The following TRANK1 variants were observed in gnomAD, a reference collection of about 807,000 sequenced individuals.
TRANK1 encodes tetratricopeptide repeat and ankyrin repeat containing 1.
A neutral mutation model predicts 266.0 loss-of-function variants in TRANK1; 198 were observed. That is an observed-to-expected ratio of 0.74 (90% CI 0.66 to 0.84). The LOEUF is 0.84. Among genes scored for constraint, TRANK1 ranks in the 40% least tolerant of loss-of-function variants. TRANK1 has a pLI of 0.00. For synonymous variants in TRANK1, 1,396 were observed against 1,384.1 expected, an observed-to-expected ratio of 1.01 and a Z score of -0.19; for missense variants, 3,326 against 3,634.6, an observed-to-expected ratio of 0.92 and a Z score of 2.18.
intron 1 of TRANK1, among the ~76,000 whole-genome samples, chr3:36,923,160 T>C (rs938150007): frequency 1.3e-5 from 2 of 152,140 alleles, no homozygotes; most frequent in African/African-American, 2.4e-5. Flanking sequence ...GGCAGTCAGC[T>C]CCTCTTCTGC....
Position 36,856,993 on chromosome 3 carries a change from C to T in TRANK1, c.2729G>A (p.Arg910Gln), listed in dbSNP as rs764078455. The change falls in exon 13 of 24, where the codon CGA becomes CAA. Residue 910 changes from arginine (R) to glutamine (Q), a missense_variant. Transcript: ENST00000645898. The stretch of plus-strand genomic sequence containing the variant: ...GATCTTCTCAGGGTTCTCACTGCAT[C>T]GAGGGGAGAAGTCAATGGCGAGCTC... ...LWELAIDFSP[R>Q]CSENPEKIIA... is the part of the protein sequence containing the mutation. 3.1e-6 allele frequency: 5 copies of T among 1,613,840 alleles called. No homozygotes were observed. Among genetic ancestry groups the T allele is most frequent in the South Asian group, 1.1e-5 (1 of 91,074 alleles).
rs549012426 is a variant in TRANK1 at position 36,931,703 on chromosome 3, AAAAG to A, written c.23+13080_23+13083del. ...GACAACACAGCAAGACCCTGTCACA[AAAAG>A]AAAGAAAGAAAGAAAGAATATACAT... is the stretch of plus-strand genomic sequence containing the variant. On this transcript the variant is annotated intron_variant, in intron 1 of 23. Coordinates refer to ENST00000645898, the MANE Select transcript of TRANK1 (RefSeq NM_001329998.2). 1.2e-3 allele frequency among the ~76,000 whole-genome samples: 176 copies of A among 152,272 alleles called. 1 individual carries two copies. Among genetic ancestry groups the A allele is most frequent in the African/African-American group, 8.9e-4 (37 of 41,576 alleles).
intron 1 of TRANK1, among the ~76,000 whole-genome samples, chr3:36,935,174 C>T (rs2080407755): frequency 1.3e-5 from 2 of 152,192 alleles, no homozygotes; most frequent in African/African-American, 4.8e-5. Flanking sequence ...TTCTCCCTCC[C>T]TCCACTTTAA....
chr3:36,901,202 G>C (rs2079877259), intron 3 of TRANK1, among the ~76,000 whole-genome samples: 1 of 151,172 alleles, frequency 6.6e-6, no homozygotes, highest in Non-Finnish European at 1.5e-5. Flanking sequence ...AGGTATCTGA[G>C]ATTCAACAGA....
Position 36,846,291 on chromosome 3 carries a change from A to G in TRANK1, c.5148T>C (p.Ile1716=). The change falls in exon 17 of 24, where the codon ATT becomes ATC. Residue 1716 remains isoleucine, a synonymous_variant. Transcript: ENST00000645898. ...EKRAPAFKYF[I]RRDFVQVVKT... is the part of the protein sequence containing the mutation. ...TTACAACTTGGACAAAATCTCTTCT[A>G]ATGAAATATTTGAATGCGGGAGCCC... The G allele has an allele frequency of 6.2e-7, 1 of 1,610,660 alleles. No individual in the cohort carries two copies. Among genetic ancestry groups the G allele is most frequent in the South Asian group, 1.1e-5 (1 of 90,260 alleles).
intron 9 of TRANK1, among the ~76,000 whole-genome samples, chr3:36,867,849 G>A (rs547760153): frequency 6.6e-6 from 1 of 152,258 alleles, no homozygotes; most frequent in South Asian, 2.1e-4. Context: ...TTATAACATC[G>A]ATGAGAAAAC....
chr3:36,851,949 GA>G, intron 14 of TRANK1, 93 bp from the exon 15 acceptor site: 1 of 1,461,232 alleles, frequency 6.8e-7, no homozygotes, highest in Non-Finnish European at 9.1e-7. Flanking sequence ...TTTTTAAAGA[GA>G]AATGGCCAGC....
chr3:36,945,557 T>C (rs1340672139), upstream of TRANK1, among the ~76,000 whole-genome samples: 1 of 152,128 alleles, frequency 6.6e-6, no homozygotes, highest in East Asian at 1.9e-4. Flanking sequence ...GTCGTGTCCA[T>C]GGAGAGTAAG....
chr3:36,842,976 G>A (rs1330391766), intron 17 of TRANK1, among the ~76,000 whole-genome samples: 1 of 152,188 alleles, frequency 6.6e-6, no homozygotes, highest in Non-Finnish European at 1.5e-5. Flanking sequence ...GACCCCAGGG[G>A]CAAGAGAGCA....
upstream of TRANK1, chr3:36,945,112 GGGA>G (rs2080555374): frequency 2.6e-6 from 1 of 385,952 alleles, no homozygotes. Flanking sequence ...GCTGCTGAGT[GGGA>G]GGAGGTGTTT....
Position 36,828,029 on chromosome 3 carries a change from C to A in TRANK1, c.*246G>T. On this transcript the variant is annotated 3_prime_UTR_variant, in exon 24 of 24. Transcript: ENST00000645898. ...ATTCCCTTCGACTACAACTTCTCTA[C>A]CTGAATTTGTTTGTGGGGGAAACTA... The A allele has an allele frequency of 2.2e-6, 1 of 454,356 alleles. No individual in the cohort carries two copies. Among genetic ancestry groups the A allele is most frequent in the South Asian group, 2.6e-5 (1 of 39,032 alleles). The allele number at this position is 454,356 out of a possible 1,614,324, so 28.1% of individuals were successfully genotyped here.
At chr3:36,828,505 G>A (rs2078656839) in intron 23 of TRANK1, 130 bp from the exon 24 acceptor site, 1 of 669,878 alleles carries the variant, frequency 1.5e-6, no homozygotes, top group Non-Finnish European at 2.5e-6. Context: ...GCAGAATGGT[G>A]ATTTTTTTTC....
rs2079910987 is a variant in TRANK1 at position 36,903,270 on chromosome 3, G to C, written c.161C>G (p.Pro54Arg). Residue 54 changes from proline to arginine, a missense_variant, in exon 3 of 24, where the codon CCC becomes CGC. Physicochemically the swap from Pro to Arg is moderately radical, Grantham distance 103. Transcript: ENST00000645898. ...CAGCAGCACAGCCAAGTCCCTCGGGGGAACCCTGTAAGAACAAACCGGTGG... is the reference window on the plus strand; with the variant it reads ...CAGCAGCACAGCCAAGTCCCTCGGGCGAACCCTGTAAGAACAAACCGGTGG... ...ILLQLYQWGV[P>R]PRDLAVLLCN... 1 of 1,536,994 alleles carries C rather than the reference G, an allele frequency of 6.5e-7. No homozygotes were observed. The highest frequency in any genetic ancestry group is 1.4e-5 in the African/African-American group (1 of 73,048).
chr3:36,856,776 C>T lies in TRANK1; in HGVS notation c.2946G>A (p.Val982=). Residue 982 remains valine (V), a synonymous_variant, in exon 13 of 24, where the codon GTG becomes GTA. Transcript: ENST00000645898. ...GCTTTTGAATTTTCATGTTAGCTGA[C>T]ACTTGGCCTTTATTGATACCTTTCA... ...KKLKGINKGQ[V]SANMKIQKRI... is the part of the protein sequence containing the mutation. The T allele has an allele frequency of 1.2e-6, 2 of 1,614,018 alleles. No individual in the cohort carries two copies. Among genetic ancestry groups the T allele is most frequent in the Non-Finnish European group, 1.7e-6 (2 of 1,179,898 alleles).
At chr3:36,863,812 G>GGTTTCTCTGGCCATA (rs2079176506) in intron 10 of TRANK1, among the ~76,000 whole-genome samples, 1 of 152,102 alleles carries the variant, frequency 6.6e-6, no homozygotes, top group Non-Finnish European at 1.5e-5. Context: ...ATGCCTTCTT[G>GGTTTCTCTGGCCATA]CACTCTTTGT....
At chr3:36,906,982 T>C (rs990824727) in intron 2 of TRANK1, among the ~76,000 whole-genome samples, 3 of 152,218 alleles carry the variant, frequency 2.0e-5, no homozygotes, top group Non-Finnish European at 4.4e-5. Context: ...CAGGGAGTTT[T>C]CCAGAAGCCA....
intron 9 of TRANK1, among the ~76,000 whole-genome samples, chr3:36,867,396 A>T (rs1282413004): frequency 6.6e-6 from 1 of 152,272 alleles, no homozygotes; most frequent in African/African-American, 2.4e-5. Context: ...ATGCAGCTGC[A>T]TAATAAATAC....
intron 8 of TRANK1, among the ~76,000 whole-genome samples, chr3:36,876,209 T>C (rs1427865756): frequency 6.6e-6 from 1 of 152,250 alleles, no homozygotes; most frequent in Non-Finnish European, 1.5e-5. Flanking sequence ...TTTGATGGTG[T>C]GAACACCAGA....
chr3:36,906,968 C>T (rs1028830970), intron 2 of TRANK1, among the ~76,000 whole-genome samples: 3 of 152,214 alleles, frequency 2.0e-5, no homozygotes, highest in Non-Finnish European at 4.4e-5. Context: ...CCCTCACACT[C>T]ACACAGGGAG....
Sources: allele counts gnomAD v4.1 joint callset (sites outside exome capture counted in the v4.1 genomes callset), GRCh38; gene constraint gnomAD v4.1.1; transcripts MANE v1.5; gene names NCBI Gene and HGNC (gene_info 2026-07-23, HGNC 2026-07-21).